The following GABRG3 variants were observed in gnomAD, a reference collection of about 807,000 sequenced individuals.
GABRG3 encodes gamma-aminobutyric acid receptor subunit gamma-3.
GABRG3 carries 25 observed loss-of-function variants against 48.8 expected under a neutral mutation model. That is an observed-to-expected ratio of 0.51 (90% confidence interval 0.37 to 0.72). The LOEUF is 0.72. Among genes scored for constraint, GABRG3 ranks in the 30% least tolerant of loss-of-function variants. GABRG3 has a pLI of 0.00. For missense variants in GABRG3, 394 were observed against 577.9 expected (o/e 0.68, Z 3.26); for synonymous variants, 227 against 217.6 (o/e 1.04, Z -0.38).
intron 9 of GABRG3, among the ~76,000 whole-genome samples, chr15:27,531,828 T>C (rs1891430759): frequency 6.6e-6 from 1 of 152,240 alleles, no homozygotes; most frequent in South Asian, 2.1e-4. Context: ...GTGAATAGTA[T>C]GTTGTTCTCT....
At chr15:27,033,655 A>G (rs189544944) in intron 3 of GABRG3, among the ~76,000 whole-genome samples, 1 of 152,274 alleles carries the variant, frequency 6.6e-6, no homozygotes, top group Non-Finnish European at 1.5e-5. Context: ...TTAGCTTTAG[A>G]TGAAAAAAAG....
At chr15:27,161,092 G>C (rs1017482831) in intron 3 of GABRG3, 2 of 152,080 alleles carry the variant, frequency 1.3e-5, no homozygotes, top group African/African-American at 4.8e-5. Flanking sequence ...TCTGTGGCTC[G>C]GGAATCTTGA....
At chr15:27,371,779 A>G (rs1485844849) in intron 5 of GABRG3, among the ~76,000 whole-genome samples, 1 of 150,796 alleles carries the variant, frequency 6.6e-6, no homozygotes, top group Non-Finnish European at 1.5e-5. Flanking sequence ...CATCTCACAT[A>G]TATTAATATT....
At chr15:27,017,483 G>C (rs539816570) in intron 2 of GABRG3, among the ~76,000 whole-genome samples, 1 of 152,234 alleles carries the variant, frequency 6.6e-6, no homozygotes, top group African/African-American at 2.4e-5. Context: ...CATTGCCTCT[G>C]TTGTGAGTCC....
chr15:27,295,307 A>G (rs1259914705), intron 3 of GABRG3: 1 of 152,080 alleles, frequency 6.6e-6, no homozygotes, highest in Admixed American at 6.5e-5. Context: ...GCATCTTCCT[A>G]CTTCTCTCAC....
intron 3 of GABRG3, chr15:27,208,561 G>C (rs1462233736): frequency 5.4e-6 from 1 of 183,534 alleles, no homozygotes; most frequent in African/African-American, 2.4e-5. Flanking sequence ...GCTGGCTTGG[G>C]AGGCTGTAGC....
intron 3 of GABRG3, among the ~76,000 whole-genome samples, chr15:27,241,687 C>G (rs1013137420): frequency 1.3e-5 from 2 of 152,204 alleles, no homozygotes; most frequent in African/African-American, 4.8e-5. Flanking sequence ...AGCCGCTATT[C>G]TAGTGCATAG....
intron 3 of GABRG3, among the ~76,000 whole-genome samples, chr15:27,306,852 A>G (rs1892529088): frequency 1.1e-5 from 1 of 89,616 alleles, no homozygotes; most frequent in Non-Finnish European, 2.0e-5. Context: ...TTTATATATA[A>G]ACATACAATA....
At chr15:27,086,356 G>T (rs1478550812) in intron 3 of GABRG3, among the ~76,000 whole-genome samples, 1 of 152,112 alleles carries the variant, frequency 6.6e-6, no homozygotes. Flanking sequence ...GGTTGTGGGG[G>T]AGGTGCAGTT....
rs556014427 is a variant in GABRG3, at chr15:27,380,300, C to T, written c.574+51412C>T. ...TGTTTTTACATGTTGTCCACTTTTT[C>T]CATTAGATCCTTTAGCATATTAATC... On this transcript the variant is annotated intron_variant, in intron 5 of 9. Coordinates refer to ENST00000615808, the MANE Select transcript of GABRG3 (RefSeq NM_033223.5). Among the ~76,000 whole-genome samples, 9 of 152,174 alleles carry T rather than the reference C, an allele frequency of 5.9e-5. No homozygotes were observed. The South Asian group carries it at 1.9e-3, about 32-fold the overall frequency.
intron 5 of GABRG3, among the ~76,000 whole-genome samples, chr15:27,351,553 TTG>T (rs528735761): frequency 3.2e-4 from 45 of 139,856 alleles, no homozygotes; most frequent in Non-Finnish European, 6.6e-4. Context: ...TGTATGGTGT[TTG>T]TGTGTGTATG....
intron 2 of GABRG3, among the ~76,000 whole-genome samples, chr15:27,019,059 T>A (rs1895834427): frequency 3.5e-5 from 2 of 56,946 alleles, no homozygotes; most frequent in Non-Finnish European, 7.8e-5. Flanking sequence ...TAGAGTCTTT[T>A]TTTTTTTTTT....
At chr15:26,972,128 C>A (rs1405576552) in intron 1 of GABRG3, among the ~76,000 whole-genome samples, 2 of 152,022 alleles carry the variant, frequency 1.3e-5, no homozygotes, top group African/African-American at 4.8e-5. Context: ...TGGGAGGACT[C>A]CCCTCCCAGG....
chr15:27,528,558 G>A (rs967974688), intron 9 of GABRG3, among the ~76,000 whole-genome samples: 10 of 152,228 alleles, frequency 6.6e-5, no homozygotes, highest in Middle Eastern at 3.4e-3. Context: ...GGGCAGAGGC[G>A]TTGCATGGTC....
intron 3 of GABRG3, among the ~76,000 whole-genome samples, chr15:27,205,066 G>GCT: frequency 6.6e-6 from 1 of 151,302 alleles, no homozygotes; most frequent in East Asian, 1.9e-4. Context: ...TTGCCTTATT[G>GCT]CTCTATCTAG....
chr15:27,151,605 T>C (rs1898316701), intron 3 of GABRG3, among the ~76,000 whole-genome samples: 1 of 152,206 alleles, frequency 6.6e-6, no homozygotes, highest in Non-Finnish European at 1.5e-5. Context: ...AATTTCTTGG[T>C]TGACCCAACG....
chr15:26,999,545 G>A (rs1895406357), intron 2 of GABRG3, among the ~76,000 whole-genome samples: 1 of 151,970 alleles, frequency 6.6e-6, no homozygotes, highest in Non-Finnish European at 1.5e-5. Flanking sequence ...TTACTACTGG[G>A]TTTGAGCATT....
intron 3 of GABRG3, among the ~76,000 whole-genome samples, chr15:27,307,141 CATAT>C (rs1299306260): frequency 1.0e-4 from 12 of 120,174 alleles, no homozygotes; most frequent in African/African-American, 4.1e-4. Flanking sequence ...CATGTTTATA[CATAT>C]ATAAACATAT....
In GABRG3 at chr15:26,976,198, C is replaced by CG. The variant is rs1023650932; in HGVS notation, c.54-801dup. On this transcript the variant is annotated intron_variant, in intron 1 of 9. Coordinates refer to ENST00000615808, the MANE Select transcript of GABRG3 (RefSeq NM_033223.5). This position sits in a 1 kb window ranked among gnomAD's most constrained non-coding sequence, Gnocchi z 7.8. ...GGCACTCCTGTCAGTGTGTGTCACA[C>CG]GGGAGAGGAGGCTGTCCAGCTCCTC... 6.6e-6 allele frequency among the ~76,000 whole-genome samples: 1 copy of CG among 152,028 alleles called. No individual in the cohort carries two copies. The highest frequency in any genetic ancestry group is 1.5e-5 in the Non-Finnish European group (1 of 68,024).
Sources: gnomAD v4.1 joint callset for allele counts (sites outside exome capture counted in the v4.1 genomes callset) on GRCh38, gnomAD v4.1.1 for gene constraint, Gnocchi (gnomAD v3.1) non-coding constraint, MANE v1.5 for transcripts, NCBI Gene and HGNC (gene_info 2026-07-23, HGNC 2026-07-21) for gene names.